The following MTUS1 variants were observed in gnomAD, a reference collection of about 807,000 sequenced individuals.
The protein encoded by MTUS1 is microtubule-associated tumor suppressor 1.
In MTUS1, 109 loss-of-function variants were observed where a neutral mutation model predicts 120.8. That is an observed-to-expected ratio of 0.90 (90% CI 0.77 to 1.06). The LOEUF (loss-of-function observed/expected upper bound fraction) is 1.06, where lower values mean the gene tolerates loss of function less well. MTUS1 is among the 50% of genes least tolerant of loss of function. MTUS1 has a pLI of 0.00. For missense variants in MTUS1, 2,210 were observed against 1,486.3 expected (o/e 1.49, Z -8.01); for synonymous variants, 737 against 550.5 (o/e 1.34, Z -4.74).
At chr8:17,658,307 T>C (rs1310919120) in intron 8 of MTUS1, among the ~76,000 whole-genome samples, 1 of 152,180 alleles carries the variant, frequency 6.6e-6, no homozygotes, top group African/African-American at 2.4e-5. Flanking sequence ...TAATATATTT[T>C]AAAAGGGCAA....
Position 17,754,555 on chromosome 8 carries a change from A to T in MTUS1, c.1253T>A (p.Met418Lys), listed in dbSNP as rs75253845. 1 of 1,614,062 alleles carries T rather than the reference A, an allele frequency of 6.2e-7. No individual in the cohort carries two copies. The highest frequency in any genetic ancestry group is 1.3e-5 in the African/African-American group (1 of 74,914). ...CATCGTTTTGTCTGTGCTAATGACC[A>T]TATCATTTGCATCCCAAGTCAGTCC... ...SFGLTWDAND[M>K]VISTDKTMCM... Residue 418 changes from methionine (M) to lysine (K), a missense_variant, in exon 2 of 15, where the codon ATG (methionine) becomes AAG (lysine). By Grantham distance (95) the Met-to-Lys change is moderately conservative. Transcript: ENST00000693296.
At chr8:17,731,243 T>C (rs761834127) in intron 3 of MTUS1, among the ~76,000 whole-genome samples, 34 of 152,148 alleles carry the variant, frequency 2.2e-4, no homozygotes, top group Non-Finnish European at 3.7e-4. Context: ...CAGTAGTTAA[T>C]AGTTGACAAT....
intron 4 of MTUS1, among the ~76,000 whole-genome samples, chr8:17,720,289 G>A (rs964583617): frequency 1.3e-5 from 2 of 151,448 alleles, no homozygotes; most frequent in African/African-American, 4.9e-5. Flanking sequence ...AGGTTGCAGT[G>A]AGCTGAGATC....
At chr8:17,739,916 CATATA>C (rs1466967245) in intron 3 of MTUS1, among the ~76,000 whole-genome samples, 3 of 152,154 alleles carry the variant, frequency 2.0e-5, no homozygotes, top group Non-Finnish European at 4.4e-5. Context: ...AATCTGGTCT[CATATA>C]ATATATTTCC....
At chr8:17,790,347 CAAA>C (rs5889733) in intron 1 of MTUS1, among the ~76,000 whole-genome samples, 3 of 135,098 alleles carry the variant, frequency 2.2e-5, no homozygotes, top group Non-Finnish European at 1.6e-5. Flanking sequence ...GATTCCCTTT[CAAA>C]AAAAAAAAAA....
chr8:17,722,223 A>G (rs2045899599), intron 4 of MTUS1: 2 of 1,003,432 alleles, frequency 2.0e-6, no homozygotes, highest in African/African-American at 1.7e-5. Context: ...CACAGTACTG[A>G]AACGGTGGCC....
chr8:17,765,404 A>G (rs1049212360), intron 1 of MTUS1, among the ~76,000 whole-genome samples: 1 of 152,060 alleles, frequency 6.6e-6, no homozygotes, highest in Non-Finnish European at 1.5e-5. Flanking sequence ...CGAGGCAGGC[A>G]GATAACCTGA....
At chr8:17,648,266 CCT>C (rs1170927256) in intron 13 of MTUS1, among the ~76,000 whole-genome samples, 1 of 152,120 alleles carries the variant, frequency 6.6e-6, no homozygotes, top group Non-Finnish European at 1.5e-5. Context: ...AGTGGGTCTC[CCT>C]CTCATTGTAT....
intron 4 of MTUS1, among the ~76,000 whole-genome samples, chr8:17,720,261 C>T (rs1011400939): frequency 6.6e-6 from 1 of 151,784 alleles, no homozygotes; most frequent in African/African-American, 2.4e-5. Flanking sequence ...AGGAGAATTG[C>T]TTGAACCCGG....
At chr8:17,749,693 G>C (rs918748669) in intron 2 of MTUS1, among the ~76,000 whole-genome samples, 14 of 149,196 alleles carry the variant, frequency 9.4e-5, no homozygotes, top group Admixed American at 4.0e-4. Context: ...GAAAAAGAAA[G>C]AAAATCTTTA....
chr8:17,756,017 C>T (rs2048582166), intron 1 of MTUS1, 56 bp from the exon 2 acceptor site: 1 of 1,158,882 alleles, frequency 8.6e-7, no homozygotes. Flanking sequence ...AACAGGCCAC[C>T]CCTTGGTTTC....
chr8:17,771,169 C>T (rs1344232509), intron 1 of MTUS1, among the ~76,000 whole-genome samples: 1 of 151,996 alleles, frequency 6.6e-6, no homozygotes, highest in Non-Finnish European at 1.5e-5. Context: ...CTTCAGACTG[C>T]TCAAAAATTA....
At chr8:17,650,241 T>C (rs1806700720) in intron 12 of MTUS1, among the ~76,000 whole-genome samples, 1 of 152,186 alleles carries the variant, frequency 6.6e-6, no homozygotes, top group African/African-American at 2.4e-5. Context: ...AAACTTTGCT[T>C]ACATACAAAA....
chr8:17,742,877 C>T (rs1253279146), intron 3 of MTUS1, among the ~76,000 whole-genome samples: 1 of 152,132 alleles, frequency 6.6e-6, no homozygotes, highest in Non-Finnish European at 1.5e-5. Context: ...ATTGATTTGA[C>T]ATGACTTTAA....
intron 8 of MTUS1, chr8:17,674,923 C>A: frequency 8.0e-7 from 1 of 1,253,962 alleles, no homozygotes; most frequent in Non-Finnish European, 1.0e-6. Flanking sequence ...ATAACTCTGT[C>A]CCTCTCTTCA....
At chr8:17,681,808 G>C (rs1162887284) in intron 7 of MTUS1, among the ~76,000 whole-genome samples, 2 of 151,960 alleles carry the variant, frequency 1.3e-5, no homozygotes, top group Non-Finnish European at 2.9e-5. Context: ...AAAATAACAT[G>C]AGTTACGTAA....
intron 5 of MTUS1, among the ~76,000 whole-genome samples, chr8:17,714,129 A>T (rs1821862085): frequency 6.6e-6 from 1 of 152,174 alleles, no homozygotes; most frequent in Admixed American, 6.5e-5. Flanking sequence ...TTCCAACCTG[A>T]TGTCAACTCA....
chr8:17,744,738 G>T, intron 2 of MTUS1, among the ~76,000 whole-genome samples: 1 of 139,418 alleles, frequency 7.2e-6, no homozygotes, highest in African/African-American at 2.7e-5. Flanking sequence ...TAGAGATGAG[G>T]TTTCGCCATG....
At chr8:17,731,760 G>A (rs893602969) in intron 3 of MTUS1, among the ~76,000 whole-genome samples, 9 of 152,264 alleles carry the variant, frequency 5.9e-5, no homozygotes, top group East Asian at 3.9e-4. Context: ...ATAAGTGAGC[G>A]AAAGCTCTTG....
Sources: allele counts gnomAD v4.1 joint callset (sites outside exome capture counted in the v4.1 genomes callset), GRCh38; gene constraint gnomAD v4.1.1; transcripts MANE v1.5; gene names NCBI Gene and HGNC (gene_info 2026-07-23, HGNC 2026-07-21).